The following RAB5A variants were observed in gnomAD, a reference collection of about 807,000 sequenced individuals.
RAB5A encodes the protein RAB5A, member RAS oncogene family, also known as ras-related protein Rab-5A.
A neutral mutation model predicts 25.7 loss-of-function variants in RAB5A; 8 were observed. The observed-to-expected ratio is 0.31, with a 90% confidence interval of 0.18 to 0.56. The LOEUF (loss-of-function observed/expected upper bound fraction) is 0.56, where lower values mean the gene tolerates loss of function less well. RAB5A is among the 20% of genes least tolerant of loss of function. The probability of loss-of-function intolerance (pLI) is 0.91; values close to 1 mark genes in which losing one functional copy is unlikely to be tolerated. For synonymous variants in RAB5A, 98 were observed against 89.8 expected (o/e 1.09, Z -0.52); for missense variants, 192 against 259.7 (o/e 0.74, Z 1.79).
intron 2 of RAB5A, among the ~76,000 whole-genome samples, chr3:19,962,068 T>C (rs1477134409): frequency 6.6e-6 from 1 of 152,180 alleles, no homozygotes; most frequent in African/African-American, 2.4e-5. Context: ...CAGTTGGTGC[T>C]GGCTATTGGT....
intron 2 of RAB5A, among the ~76,000 whole-genome samples, chr3:19,960,462 CG>C (rs1006871509): frequency 2.2e-4 from 33 of 152,170 alleles, no homozygotes; most frequent in Admixed American, 4.6e-4. Flanking sequence ...CCCCTGCCCC[CG>C]GCTAATTTTG....
chr3:19,953,503 G>A (rs948282718), intron 2 of RAB5A, among the ~76,000 whole-genome samples: 1 of 151,250 alleles, frequency 6.6e-6, no homozygotes, highest in Admixed American at 6.6e-5. Flanking sequence ...CGCTTCCCAG[G>A]ATCAAGCAAT....
intron 2 of RAB5A, among the ~76,000 whole-genome samples, chr3:19,953,699 C>G (rs1696458273): frequency 6.6e-6 from 1 of 152,128 alleles, no homozygotes; most frequent in Non-Finnish European, 1.5e-5. Flanking sequence ...TGAGCCACTG[C>G]CCCTGGCCCA....
chr3:19,956,859 A>G (rs1316272542), intron 2 of RAB5A, among the ~76,000 whole-genome samples: 2 of 150,770 alleles, frequency 1.3e-5, no homozygotes, highest in Admixed American at 6.6e-5. Context: ...ATGACATACT[A>G]TTATCTTGAG....
At chr3:19,951,635 G>T (rs1227803454) in intron 2 of RAB5A, among the ~76,000 whole-genome samples, 1 of 150,026 alleles carries the variant, frequency 6.7e-6, no homozygotes, top group Non-Finnish European at 1.5e-5. Flanking sequence ...AGGCTCAAAT[G>T]ATCTTCTTGC....
In RAB5A at chr3:19,947,215, G is replaced by C. The variant is rs543431977; in HGVS notation, c.-400G>C. The stretch of plus-strand genomic sequence containing the variant: ...TGAAGGAGCCGGCGGCTGGCCTTAG[G>C]GGAGGAGGCAGAGGGAGGAGGAGGA... On this transcript the variant is annotated 5_prime_UTR_variant, in exon 1 of 6. Transcript: ENST00000273047. 2.1e-4 allele frequency: 36 copies of C among 168,414 alleles called. No homozygotes were observed. Among genetic ancestry groups the C allele is most frequent in the Non-Finnish European group, 4.0e-4 (32 of 79,830 alleles). 10.4% of individuals were successfully genotyped at this position (168,414 alleles called of 1,614,324 possible).
At chr3:19,951,718 T>TTTTTTTTTTTTTTTG (rs1696427320) in intron 2 of RAB5A, among the ~76,000 whole-genome samples, 2 of 150,150 alleles carry the variant, frequency 1.3e-5, no homozygotes, top group South Asian at 2.1e-4. Flanking sequence ...TTTTTTTTTT[T>TTTTTTTTTTTTTTTG]TAAGAGTCAG....
At chr3:19,977,877 A>C (rs924470470) in intron 4 of RAB5A, among the ~76,000 whole-genome samples, 1 of 152,260 alleles carries the variant, frequency 6.6e-6, no homozygotes, top group Non-Finnish European at 1.5e-5. Context: ...GAAGTCATTG[A>C]AAATTAAATA....
At chr3:19,970,315 T>C (rs1407542245) in intron 2 of RAB5A, among the ~76,000 whole-genome samples, 1 of 152,238 alleles carries the variant, frequency 6.6e-6, no homozygotes, top group Non-Finnish European at 1.5e-5. Context: ...TTGCATATTA[T>C]AATAGGCCTT....
intron 2 of RAB5A, among the ~76,000 whole-genome samples, chr3:19,953,177 T>C (rs561846943): frequency 6.6e-6 from 1 of 152,166 alleles, no homozygotes; most frequent in South Asian, 2.1e-4. Flanking sequence ...CACTTCTAAG[T>C]TTATTTTTTC....
chr3:19,965,625 C>T (rs1352555445), intron 2 of RAB5A, among the ~76,000 whole-genome samples: 1 of 152,192 alleles, frequency 6.6e-6, no homozygotes, highest in Non-Finnish European at 1.5e-5. Context: ...TTACCTCACT[C>T]TTGACTTCAT....
intron 4 of RAB5A, among the ~76,000 whole-genome samples, chr3:19,976,845 C>T (rs937849335): frequency 1.3e-5 from 2 of 152,138 alleles, no homozygotes; most frequent in Non-Finnish European, 2.9e-5. Flanking sequence ...CACATATGTA[C>T]ATACGCAAAC....
chr3:19,953,128 G>A (rs1696447586), intron 2 of RAB5A, among the ~76,000 whole-genome samples: 1 of 152,156 alleles, frequency 6.6e-6, no homozygotes, highest in Non-Finnish European at 1.5e-5. Context: ...AGCTTTGCAA[G>A]AGCTTAAGAT....
rs184924584 is a variant in RAB5A, at chr3:19,950,735, A to G, written c.-93-71A>G. ...GTTTAAGATAATCATGCTATAGGCA[A>G]TATTTAAAGTGATTAATAGTAAATT... On this transcript the variant is annotated intron_variant, in intron 1 of 5. Transcript: ENST00000273047. 141 of 610,706 alleles carry G rather than the reference A, an allele frequency of 2.3e-4. No homozygotes were observed. The East Asian group carries it at 3.7e-3, about 16-fold the overall frequency. 37.8% of individuals were successfully genotyped at this position (610,706 alleles called of 1,614,324 possible).
At chr3:19,969,486 A>G (rs1242108830) in intron 2 of RAB5A, among the ~76,000 whole-genome samples, 2 of 152,214 alleles carry the variant, frequency 1.3e-5, no homozygotes, top group African/African-American at 2.4e-5. Flanking sequence ...AAGTTTTTCT[A>G]AACATTTATA....
chr3:19,980,502 A>C (rs1280894388), intron 5 of RAB5A, among the ~76,000 whole-genome samples: 2 of 151,754 alleles, frequency 1.3e-5, no homozygotes, highest in Non-Finnish European at 2.9e-5. Flanking sequence ...TAGTAACTTA[A>C]ATCACACAGT....
intron 2 of RAB5A, among the ~76,000 whole-genome samples, chr3:19,963,367 C>T (rs1043042816): frequency 3.3e-4 from 5 of 15,090 alleles, no homozygotes; most frequent in Non-Finnish European, 4.7e-4. Flanking sequence ...GAATTTCACC[C>T]CCCCCCCCCC....
chr3:19,961,749 A>G (rs1018705674), intron 2 of RAB5A, among the ~76,000 whole-genome samples: 9 of 152,184 alleles, frequency 5.9e-5, no homozygotes, highest in Admixed American at 3.3e-4. Flanking sequence ...CTTTTTCCCA[A>G]AGATGATGTT....
Position 19,984,172 on chromosome 3 carries a change from T to TG in RAB5A, c.*350dup, listed in dbSNP as rs1553640308. On this transcript the variant is annotated 3_prime_UTR_variant, in exon 6 of 6. Transcript: ENST00000273047. ...TCCACACTGGTACAGTAGTCACCTG[T>TG]GAAAAAAAAATTGGAACTTACTAAT... 133 of 342,986 alleles carry TG rather than the reference T, an allele frequency of 3.9e-4. No individual in the cohort carries two copies. Among genetic ancestry groups the TG allele is most frequent in the African/African-American group, 3.4e-3 (105 of 30,816 alleles). 21.2% of individuals were successfully genotyped at this position (342,986 alleles called of 1,614,324 possible).
Sources: allele counts gnomAD v4.1 joint callset (sites outside exome capture counted in the v4.1 genomes callset), GRCh38; gene constraint gnomAD v4.1.1; transcripts MANE v1.5; gene names NCBI Gene and HGNC (gene_info 2026-07-23, HGNC 2026-07-21).